PPP3CC: variants seen among roughly 807,000 people sequenced by gnomAD.
PPP3CC encodes the protein protein phosphatase 3 catalytic subunit gamma.
Under a neutral mutation model 60.3 loss-of-function variants are expected in PPP3CC, and 35 were observed. The observed-to-expected ratio is 0.58, with a 90% CI of 0.44 to 0.77. The LOEUF is 0.77. Among genes scored for constraint, PPP3CC ranks in the 30% least tolerant of loss-of-function variants. The pLI is 0.00. For missense variants in PPP3CC, 570 were observed against 628.9 expected, an observed-to-expected ratio of 0.91 and a Z score of 1.00; for synonymous variants, 206 against 224.3, an observed-to-expected ratio of 0.92 and a Z score of 0.73.
chr8:22,451,127 C>A (rs1284593432), intron 1 of PPP3CC, among the ~76,000 whole-genome samples: 2 of 150,190 alleles, frequency 1.3e-5, no homozygotes, highest in Admixed American at 1.3e-4. Flanking sequence ...GCGTGAGCCA[C>A]CGCACCCGGC....
At chr8:22,491,994 C>T (rs1373397753) in intron 3 of PPP3CC, among the ~76,000 whole-genome samples, 1 of 152,096 alleles carries the variant, frequency 6.6e-6, no homozygotes, top group East Asian at 1.9e-4. Flanking sequence ...CAGTGTCATG[C>T]ATCGTTTAAT....
chr8:22,510,790 G>A, intron 4 of PPP3CC: 1 of 284,450 alleles, frequency 3.5e-6, no homozygotes, highest in Non-Finnish European at 6.7e-6. Flanking sequence ...CCAGGTAACT[G>A]GGTAATTTTT....
chr8:22,492,703 G>T, intron 3 of PPP3CC: 1 of 936,292 alleles, frequency 1.1e-6, no homozygotes, highest in Non-Finnish European at 1.7e-6. Context: ...TTCACAGAAA[G>T]AAGAAGGCGG....
At chr8:22,477,479 A>G (rs1837926670) in intron 3 of PPP3CC, among the ~76,000 whole-genome samples, 1 of 121,636 alleles carries the variant, frequency 8.2e-6, no homozygotes, top group Non-Finnish European at 1.6e-5. Context: ...GTCTCAAAAA[A>G]AAAAAAGAAA....
intron 3 of PPP3CC, among the ~76,000 whole-genome samples, chr8:22,494,649 G>C (rs1041097615): frequency 6.6e-6 from 1 of 152,054 alleles, no homozygotes; most frequent in Admixed American, 6.5e-5. Context: ...GTGCTTTTGT[G>C]GTCACTGGTA....
rs1427660567 is a variant in PPP3CC, at chr8:22,492,686, G to A, written c.373-5315G>A. ...GGCACAAGTGCGCATTGGTGGGAAA[G>A]AAATGGTTCACAGAAAGAAGAAGGC... On this transcript the variant is annotated intron_variant, in intron 3 of 13. Coordinates refer to ENST00000240139, the MANE Select transcript of PPP3CC (RefSeq NM_005605.5). 7.1e-6 allele frequency: 6 copies of A among 839,660 alleles called. No homozygotes were observed. In the African/African-American group the frequency reaches 8.5e-5, roughly 12 times the overall value. 52.0% of individuals were successfully genotyped at this position (839,660 alleles called of 1,614,324 possible). A position where few individuals can be genotyped will look rare whatever the true frequency, so the allele number is the denominator to read the frequency against.
intron 4 of PPP3CC, among the ~76,000 whole-genome samples, chr8:22,509,403 A>G (rs905514681): frequency 5.3e-5 from 8 of 152,212 alleles, no homozygotes; most frequent in African/African-American, 1.9e-4. Flanking sequence ...TCATCTTCCC[A>G]GAATCCTGGA....
intron 1 of PPP3CC, among the ~76,000 whole-genome samples, chr8:22,467,099 A>G (rs1408015945): frequency 7.2e-5 from 11 of 152,174 alleles, no homozygotes; most frequent in Admixed American, 5.9e-4. Context: ...TAAGGGCAAA[A>G]TATTTAACAA....
intron 1 of PPP3CC, among the ~76,000 whole-genome samples, chr8:22,474,708 AAAAC>A (rs1008271810): frequency 3.9e-5 from 6 of 152,174 alleles, no homozygotes; most frequent in South Asian, 2.1e-4. Flanking sequence ...CCATCTCAAA[AAAAC>A]AAACAACAAA....
intron 1 of PPP3CC, among the ~76,000 whole-genome samples, chr8:22,474,321 A>C (rs565537050): frequency 6.6e-6 from 1 of 152,280 alleles, no homozygotes; most frequent in Admixed American, 6.5e-5. Context: ...TGTTCTATAG[A>C]TAGAAAAACA....
intron 1 of PPP3CC, among the ~76,000 whole-genome samples, chr8:22,465,637 G>A (rs1197520082): frequency 6.6e-6 from 1 of 152,086 alleles, no homozygotes; most frequent in Non-Finnish European, 1.5e-5. Context: ...GATGCAGCAA[G>A]AAGACCCATG....
intron 3 of PPP3CC, among the ~76,000 whole-genome samples, chr8:22,493,418 C>T (rs1180296983): frequency 6.6e-6 from 1 of 151,276 alleles, no homozygotes; most frequent in African/African-American, 2.4e-5. Flanking sequence ...CTTTTTGACT[C>T]TTTTGTAATA....
chr8:22,527,613 A>G, intron 9 of PPP3CC, 96 bp downstream of exon 9: 1 of 1,417,624 alleles, frequency 7.1e-7, no homozygotes, highest in Non-Finnish European at 9.5e-7. Context: ...ATGTTTTCTA[A>G]TTTTGTTTGT....
rs1400663721 is a variant in PPP3CC, at chr8:22,441,167, C to A, written c.-243C>A. The A allele has an allele frequency of 1.0e-5, 4 of 388,892 alleles. No homozygotes were observed. Among genetic ancestry groups the A allele is most frequent in the Non-Finnish European group, 1.4e-5 (3 of 218,894 alleles). 24.1% of individuals were successfully genotyped at this position (388,892 alleles called of 1,614,324 possible). On this transcript the variant is annotated 5_prime_UTR_variant, in exon 1 of 14. Coordinates refer to ENST00000240139, the MANE Select transcript of PPP3CC (RefSeq NM_005605.5). ...CGCGGTCGGTGCCGAAGCGGTGTTC[C>A]CCGCCTTAGCCGCTGGCGCCTCCCA...
At chr8:22,489,061 G>T (rs909817542) in intron 3 of PPP3CC, among the ~76,000 whole-genome samples, 4 of 151,876 alleles carry the variant, frequency 2.6e-5, no homozygotes, top group African/African-American at 9.7e-5. Context: ...GAGCAGGGGA[G>T]TGACGTATTC....
intron 3 of PPP3CC, among the ~76,000 whole-genome samples, chr8:22,484,735 A>T (rs1002055959): frequency 1.3e-5 from 2 of 152,266 alleles, no homozygotes. Flanking sequence ...GGCTATCTTT[A>T]CATGGGAATT....
At chr8:22,533,630 G>C (rs1230758831) in intron 12 of PPP3CC, among the ~76,000 whole-genome samples, 2 of 151,982 alleles carry the variant, frequency 1.3e-5, no homozygotes, top group African/African-American at 4.8e-5. Flanking sequence ...TTCGAGACCA[G>C]CCTGGCCAAC....
At chr8:22,497,361 C>G (rs921075847) in intron 3 of PPP3CC, among the ~76,000 whole-genome samples, 1 of 151,452 alleles carries the variant, frequency 6.6e-6, no homozygotes, top group Admixed American at 6.6e-5. Context: ...TGGAGTCTCC[C>G]TATGTTGCCC....
At chr8:22,443,452 C>T (rs1420112458) in intron 1 of PPP3CC, among the ~76,000 whole-genome samples, 1 of 140,222 alleles carries the variant, frequency 7.1e-6, no homozygotes, top group African/African-American at 2.7e-5. Context: ...ACCCGGGAGG[C>T]GGAGGTTGCA....
Sources: gnomAD v4.1 joint callset for allele counts (sites outside exome capture counted in the v4.1 genomes callset) on GRCh38, gnomAD v4.1.1 for gene constraint, MANE v1.5 for transcripts, NCBI Gene and HGNC (gene_info 2026-07-23, HGNC 2026-07-21) for gene names.